The following MAP4K1 variants were observed in gnomAD, a reference collection of about 807,000 sequenced individuals.
MAP4K1 encodes mitogen-activated protein kinase kinase kinase kinase 1.
MAP4K1 carries 35 observed loss-of-function variants against 122.8 expected under a neutral mutation model. That is an observed-to-expected ratio of 0.29 (90% CI 0.22 to 0.38). The LOEUF is 0.38. Among genes scored for constraint, MAP4K1 ranks in the 10% least tolerant of loss-of-function variants. MAP4K1 has a pLI of 1.00. For synonymous variants in MAP4K1, 412 were observed against 421.3 expected (o/e 0.98, Z 0.27); for missense variants, 791 against 1,072.6 (o/e 0.74, Z 3.67).
chr19:38,608,385 GCTCACGC>G (rs534556623), intron 13 of MAP4K1, among the ~76,000 whole-genome samples: 198 of 152,208 alleles, frequency 1.3e-3, no homozygotes, highest in African/African-American at 4.5e-3. Flanking sequence ...AGGTGCAGTG[GCTCACGC>G]CTATAATCCC....
At chr19:38,588,408 AGGCCGGGCATGGT>A (rs1474371949) in intron 30 of MAP4K1, among the ~76,000 whole-genome samples, 1 of 152,094 alleles carries the variant, frequency 6.6e-6, no homozygotes, top group South Asian at 2.1e-4. Context: ...AATAATGACA[AGGCCGGGCATGGT>A]GGCTCATGCT....
At position 38,605,428 on chromosome 19, in the gene MAP4K1, T is replaced by C. The variant is rs1348290739; in HGVS notation, c.1427A>G (p.Lys476Arg). Residue 476 changes from lysine to arginine, a missense_variant, in exon 19 of 31, where the codon AAG becomes AGG. Transcript: ENST00000396857. The stretch of plus-strand genomic sequence containing the variant: ...CCTCACCTTTCTCTTCATCTTTTCC[T>C]TCTTGGGGGGCAGAAGTGGGGGCTT... ...LDKPPLLPPKKEKMKRKGCAL... is the reference protein window; with the variant it reads ...LDKPPLLPPKREKMKRKGCAL... 25 of 1,596,852 alleles carry C rather than the reference T, an allele frequency of 1.6e-5. No homozygotes were observed. Among genetic ancestry groups the C allele is most frequent in the Non-Finnish European group, 2.0e-5 (23 of 1,172,624 alleles).
At chr19:38,598,122 C>T (rs375507948) in intron 22 of MAP4K1, among the ~76,000 whole-genome samples, 1 of 151,874 alleles carries the variant, frequency 6.6e-6, no homozygotes, top group East Asian at 1.9e-4. Context: ...CCTCTGCCTC[C>T]CAGGTTCAAG....
rs146429464 is a variant in MAP4K1, at chr19:38,592,053, C to T, written c.2396+1229G>A. ...TTGGGAGGCCAAGGTAGGAAGATTG[C>T]TTGAGGCCAGCAGTTCAAGGACAGC... On this transcript the variant is annotated intron_variant, in intron 30 of 30. Coordinates refer to ENST00000396857, the MANE Select transcript of MAP4K1 (RefSeq NM_001042600.3). 5.0e-3 allele frequency among the ~76,000 whole-genome samples: 760 copies of T among 151,538 alleles called. 6 individuals are homozygous for T. The highest frequency in any genetic ancestry group is 0.018 in the African/African-American group (734 of 41,268).
intron 19 of MAP4K1, among the ~76,000 whole-genome samples, chr19:38,603,073 CATATAT>C (rs1284006032): frequency 1.0e-4 from 12 of 118,572 alleles, no homozygotes; most frequent in African/African-American, 3.2e-4. Flanking sequence ...TACACATATA[CATATAT>C]ACACATGTAC....
At chr19:38,602,898 A>T (rs1975152931) in intron 19 of MAP4K1, among the ~76,000 whole-genome samples, 1 of 149,438 alleles carries the variant, frequency 6.7e-6, no homozygotes, top group Non-Finnish European at 1.5e-5. Context: ...ACACATGTAC[A>T]TATATACACA....
intron 4 of MAP4K1, 88 bp from the exon 5 acceptor site, chr19:38,614,533 AG>A (rs1412606692): frequency 1.0e-5 from 14 of 1,389,684 alleles, no homozygotes; most frequent in Non-Finnish European, 1.4e-5. Context: ...ACCAGCTAAG[AG>A]GGTGCCATAG....
intron 20 of MAP4K1, among the ~76,000 whole-genome samples, chr19:38,601,200 C>T (rs1174321434): frequency 6.6e-6 from 1 of 152,144 alleles, no homozygotes; most frequent in Non-Finnish European, 1.5e-5. Flanking sequence ...TCACCCGCCT[C>T]AGCCTCCCAA....
intron 30 of MAP4K1, chr19:38,589,258 G>T (rs561008966): frequency 9.8e-6 from 2 of 204,360 alleles, no homozygotes; most frequent in African/African-American, 2.5e-5. Flanking sequence ...AGGCGAGATC[G>T]TGCCACTGCA....
intron 8 of MAP4K1, among the ~76,000 whole-genome samples, 190 bp from the exon 9 acceptor site, chr19:38,612,932 C>G (rs1599719191): frequency 6.6e-6 from 1 of 152,182 alleles, no homozygotes; most frequent in Non-Finnish European, 1.5e-5. Context: ...TGGCTCACGC[C>G]TGTAATCCCA....
intron 16 of MAP4K1, among the ~76,000 whole-genome samples, chr19:38,607,617 G>A (rs937444162): frequency 6.6e-6 from 1 of 151,674 alleles, no homozygotes; most frequent in Non-Finnish European, 1.5e-5. Flanking sequence ...GTGGGAGCTG[G>A]AGCTGGGATC....
chr19:38,604,128 CAAAA>C (rs200072842), intron 19 of MAP4K1, among the ~76,000 whole-genome samples: 119 of 53,490 alleles, frequency 2.2e-3, no homozygotes, highest in Non-Finnish European at 4.3e-3. Flanking sequence ...GATACTATCT[CAAAA>C]AAAAAAAAAA....
At position 38,596,305 on chromosome 19, in the gene MAP4K1, C is replaced by T. The variant is rs1974878181; in HGVS notation, c.2116+7G>A. On this transcript the variant is annotated splice_region_variant and intron_variant, in intron 26 of 30. Coordinates refer to ENST00000396857, the MANE Select transcript of MAP4K1 (RefSeq NM_001042600.3). ...CCCCGCCCTCAGCAAGACTCCGCCC[C>T]ACTCACCGGTGCTCATCTCGCCCAG... 8 of 1,556,836 alleles carry T rather than the reference C, an allele frequency of 5.1e-6. No homozygotes were observed. Among genetic ancestry groups the T allele is most frequent in the South Asian group, 1.2e-5 (1 of 83,290 alleles).
chr19:38,616,373 G>T, intron 3 of MAP4K1, 114 bp from the exon 4 acceptor site: 2 of 682,836 alleles, frequency 2.9e-6, no homozygotes, highest in East Asian at 3.0e-5. Context: ...TAACGTAACA[G>T]CTCTCATCAC....
chr19:38,611,338 A>C, intron 9 of MAP4K1, 33 bp from the exon 10 acceptor site: 1 of 1,495,434 alleles, frequency 6.7e-7, no homozygotes, highest in South Asian at 1.1e-5. Flanking sequence ...TGGGGTTCAG[A>C]CCCTCAAGGG....
chr19:38,599,884 T>C (rs1218209188), intron 22 of MAP4K1, 41 bp downstream of exon 22: 2 of 1,604,852 alleles, frequency 1.2e-6, no homozygotes, highest in African/African-American at 2.7e-5. Flanking sequence ...CTTGGACCCC[T>C]TAACTTCCGA....
At chr19:38,602,377 CAT>C (rs530502291) in intron 19 of MAP4K1, among the ~76,000 whole-genome samples, 8 of 149,924 alleles carry the variant, frequency 5.3e-5, no homozygotes, top group Non-Finnish European at 3.0e-5. Context: ...GCCTGGCCAG[CAT>C]ATATATATAT....
chr19:38,608,795 G>A (rs137975110), intron 13 of MAP4K1, among the ~76,000 whole-genome samples: 1,568 of 72,136 alleles, frequency 0.022, 25 homozygotes, highest in Middle Eastern at 0.074. Context: ...GTGAAACTCC[G>A]TCTCAAAAAA....
intron 30 of MAP4K1, among the ~76,000 whole-genome samples, chr19:38,590,425 AT>A (rs1568619026): frequency 2.7e-4 from 32 of 118,616 alleles, no homozygotes; most frequent in African/African-American, 8.7e-4. Flanking sequence ...ATATATATAT[AT>A]ATATATATAT....
Sources: gnomAD v4.1 joint callset for allele counts (sites outside exome capture counted in the v4.1 genomes callset) on GRCh38, gnomAD v4.1.1 for gene constraint, MANE v1.5 for transcripts, NCBI Gene and HGNC (gene_info 2026-07-23, HGNC 2026-07-21) for gene names.